Variants in ACADSB observed in about 807,000 individuals in gnomAD.
ACADSB encodes the protein short/branched chain specific acyl-CoA dehydrogenase, mitochondrial.
A neutral mutation model predicts 54.1 loss-of-function variants in ACADSB; 40 were observed. That is an observed-to-expected ratio of 0.74 (90% CI 0.57 to 0.96). ACADSB has a LOEUF of 0.96. Among genes scored for constraint, ACADSB ranks in the 40% least tolerant of loss-of-function variants. The pLI, the probability that ACADSB is intolerant of heterozygous loss-of-function variation, is 0.00. For synonymous variants in ACADSB, 182 were observed against 182.8 expected, an observed-to-expected ratio of 1.00 and a Z score of 0.03; for missense variants, 530 against 510.4, an observed-to-expected ratio of 1.04 and a Z score of -0.37.
At chr10:123,049,712 G>A (rs559534447) in intron 8 of ACADSB, among the ~76,000 whole-genome samples, 16 of 152,278 alleles carry the variant, frequency 1.1e-4, no homozygotes, top group Admixed American at 5.2e-4. Flanking sequence ...TTCTTTCTAC[G>A]TGAGAAAATA....
At chr10:123,046,874 C>G (rs1850567138) in intron 7 of ACADSB, among the ~76,000 whole-genome samples, 1 of 152,134 alleles carries the variant, frequency 6.6e-6, no homozygotes, top group Admixed American at 6.5e-5. Context: ...TCATTTTATA[C>G]CTGGAGAATC....
chr10:123,034,483 T>C lies in ACADSB; in HGVS notation c.170T>C (p.Phe57Ser). 1 of 1,611,580 alleles carries C rather than the reference T, an allele frequency of 6.2e-7. No individual in the cohort carries two copies. The highest frequency in any genetic ancestry group is 8.5e-7 in the Non-Finnish European group (1 of 1,179,926). Residue 57 changes from phenylalanine to serine, a missense_variant, in exon 2 of 11, where the codon TTT (phenylalanine) becomes TCT (serine). Coordinates refer to ENST00000358776, the MANE Select transcript of ACADSB (RefSeq NM_001609.4). The part of the protein sequence containing the change: ...NGIHFAPLQT[F>S]TDEEMMIKSS... The stretch of plus-strand genomic sequence containing the variant: ...ATACACTTTGCTCCCCTGCAAACAT[T>C]TACAGATGAGGAAATGATGATAAAG...
Position 123,051,059 on chromosome 10 carries a change from A to G in ACADSB, c.1001A>G (p.His334Arg), listed in dbSNP as rs1049896649. Residue 334 changes from histidine (H) to arginine (R), a missense_variant, in exon 9 of 11, where the codon CAC (histidine) becomes CGC (arginine). Coordinates refer to ENST00000358776, the MANE Select transcript of ACADSB (RefSeq NM_001609.4). Reference protein sequence around the residue: ...KRLFDFQGLQHQVAHVATQLE... With the variant: ...KRLFDFQGLQRQVAHVATQLE... The stretch of plus-strand genomic sequence containing the variant: ...GCCTGACTGTTACAGGGCCTCCAAC[A>G]CCAAGTGGCTCACGTGGCCACCCAG... 1 of 1,612,244 alleles carries G rather than the reference A, an allele frequency of 6.2e-7. No individual in the cohort carries two copies. Among genetic ancestry groups the G allele is most frequent in the Non-Finnish European group, 8.5e-7 (1 of 1,179,860 alleles).
At position 123,018,813 on chromosome 10, in the gene ACADSB, C is replaced by T. The variant is rs113264501; in HGVS notation, c.42+9742C>T. Among the ~76,000 whole-genome samples, 4 of 152,248 alleles carry T rather than the reference C, an allele frequency of 2.6e-5. No individual in the cohort carries two copies. The East Asian group carries it at 5.8e-4, about 22-fold the overall frequency. ...ACTGCCCTTTATAAAACGATCAGAT[C>T]TTGTGAGACTTATTCACTATCACGA... On this transcript the variant is annotated intron_variant, in intron 1 of 10. Transcript: ENST00000358776.
intron 3 of ACADSB, 50 bp downstream of exon 3, chr10:123,037,897 G>T (rs1850420945): frequency 7.6e-7 from 1 of 1,307,948 alleles, no homozygotes; most frequent in South Asian, 1.2e-5. Flanking sequence ...TAAATTCAGG[G>T]ACTGTAATGA....
At chr10:123,030,351 C>A (rs887289420) in intron 1 of ACADSB, among the ~76,000 whole-genome samples, 2 of 151,940 alleles carry the variant, frequency 1.3e-5, no homozygotes, top group Non-Finnish European at 2.9e-5. Flanking sequence ...CACAGTGAAA[C>A]CCCATCTCTA....
chr10:123,044,319 G>A, intron 6 of ACADSB, 74 bp from the exon 7 acceptor site: 1 of 1,299,882 alleles, frequency 7.7e-7, no homozygotes, highest in Non-Finnish European at 1.1e-6. Flanking sequence ...GAGTCTATGT[G>A]TACTTACAAA....
chr10:123,045,170 TA>T (rs1161760936), intron 7 of ACADSB, among the ~76,000 whole-genome samples: 18 of 10,254 alleles, frequency 1.8e-3, no homozygotes, highest in Admixed American at 9.0e-3. Context: ...TATATATATA[TA>T]TTTTTTTTTT....
chr10:123,055,468 A>G lies in ACADSB; in HGVS notation c.*1703A>G, dbSNP rs927120596. 8.5e-5 allele frequency: 13 copies of G among 152,422 alleles called. No homozygotes were observed. Among genetic ancestry groups the G allele is most frequent in the African/African-American group, 3.1e-4 (13 of 41,436 alleles). The allele number at this position is 152,422 out of a possible 1,614,324, so 9.4% of individuals were successfully genotyped here. On this transcript the variant is annotated 3_prime_UTR_variant, in exon 11 of 11. Transcript: ENST00000358776. ...TAAGTTGAGATTTCAGTGGGGACAC[A>G]GCCAAACCATATCATTCTACCCCTG...
chr10:123,037,474 G>A lies in ACADSB; in HGVS notation c.203-273G>A, dbSNP rs4980175. 0.19 allele frequency among the ~76,000 whole-genome samples: 28,593 copies of A among 152,008 alleles called. 2,846 individuals carry two copies. Among genetic ancestry groups the A allele is most frequent in the African/African-American group, 0.22 (9,048 of 41,412 alleles). ...GTCACCTTTGGGTAGAGTGGAAATGGCTTTCATTTTTCATTTTGTGCTTTC... is the reference window on the plus strand; with the variant it reads ...GTCACCTTTGGGTAGAGTGGAAATGACTTTCATTTTTCATTTTGTGCTTTC... On this transcript the variant is annotated intron_variant, in intron 2 of 10. Coordinates refer to ENST00000358776, the MANE Select transcript of ACADSB (RefSeq NM_001609.4).
chr10:123,040,374 T>C, intron 3 of ACADSB, 92 bp from the exon 4 acceptor site: 2 of 1,075,058 alleles, frequency 1.9e-6, no homozygotes, highest in Non-Finnish European at 1.4e-6. Flanking sequence ...ATAATAAATA[T>C]GGTTACAGTT....
chr10:123,039,093 G>C (rs534003893), intron 3 of ACADSB, among the ~76,000 whole-genome samples: 1 of 152,270 alleles, frequency 6.6e-6, no homozygotes, highest in African/African-American at 2.4e-5. Flanking sequence ...TGGGTTTTTG[G>C]CATAATGGCT....
intron 1 of ACADSB, 123 bp from the exon 2 acceptor site, chr10:123,034,232 TA>T: frequency 1.0e-6 from 1 of 1,001,802 alleles, no homozygotes; most frequent in Non-Finnish European, 1.5e-6. Flanking sequence ...AGACTGAATT[TA>T]AAAATGCGCT....
chr10:123,038,195 G>T (rs1268894853), intron 3 of ACADSB, among the ~76,000 whole-genome samples: 1 of 152,150 alleles, frequency 6.6e-6, no homozygotes, highest in Non-Finnish European at 1.5e-5. Flanking sequence ...GGCATCTAGT[G>T]GGATAGAGAC....
chr10:123,032,650 T>C (rs1214398255), intron 1 of ACADSB, among the ~76,000 whole-genome samples: 3 of 148,884 alleles, frequency 2.0e-5, no homozygotes, highest in East Asian at 2.0e-4. Context: ...AGTGCAGTCA[T>C]GTAATCTAGG....
In ACADSB at chr10:123,051,065, T is replaced by C; in HGVS notation, c.1007T>C (p.Val336Ala). The change falls in exon 9 of 11, where the codon GTG becomes GCG. Residue 336 changes from valine (V) to alanine (A), a missense_variant. Coordinates refer to ENST00000358776, the MANE Select transcript of ACADSB (RefSeq NM_001609.4). Reference sequence around the variant, plus strand: ...CTGTTACAGGGCCTCCAACACCAAGTGGCTCACGTGGCCACCCAGCTGGAA... The same window carrying C: ...CTGTTACAGGGCCTCCAACACCAAGCGGCTCACGTGGCCACCCAGCTGGAA... ...LFDFQGLQHQVAHVATQLEAA... is the reference protein window; with the variant it reads ...LFDFQGLQHQAAHVATQLEAA... 9.3e-6 allele frequency: 15 copies of C among 1,612,238 alleles called. No individual in the cohort carries two copies. Among genetic ancestry groups the C allele is most frequent in the African/African-American group, 1.3e-5 (1 of 74,968 alleles).
rs755014798 is a variant in ACADSB, at chr10:123,041,350, C to CT, written c.653dup (p.Val219GlyfsTer12). On this transcript the variant is annotated frameshift_variant, in exon 5 of 11. Coordinates refer to ENST00000358776, the MANE Select transcript of ACADSB (RefSeq NM_001609.4). LOFTEE classifies it high-confidence loss of function. The stretch of plus-strand genomic sequence containing the variant: ...CAGTGCTGAGCACGCAGGGCTCTTT[C>CT]TGGTGATGGCAAATGTAGACCCTAC... 3 of 1,614,182 alleles carry CT rather than the reference C, an allele frequency of 1.9e-6. No homozygotes were observed. Among genetic ancestry groups the CT allele is most frequent in the East Asian group, 4.5e-5 (2 of 44,880 alleles).
rs1388904259 is a variant in ACADSB at position 123,034,394 on chromosome 10, G to A, written c.81G>A (p.Lys27=). 6.2e-7 allele frequency: 1 copy of A among 1,613,858 alleles called. No individual in the cohort carries two copies. Among genetic ancestry groups the A allele is most frequent in the African/African-American group, 1.3e-5 (1 of 75,064 alleles). ...RNFLTCLSSW[K]IPPHVSKSSQ... ...TCCTGACTTGTTTGTCTTCTTGGAA[G>A]ATTCCTCCTCATGTCTCAAAATCTT... The change falls in exon 2 of 11, where the codon AAG becomes AAA. Residue 27 remains lysine (K), a synonymous_variant. Coordinates refer to ENST00000358776, the MANE Select transcript of ACADSB (RefSeq NM_001609.4).
Position 123,051,030 on chromosome 10 carries a change from T to C in ACADSB, c.991-19T>C. Reference sequence around the variant, plus strand: ...TTTTTTGAAATCATAATTCTCTAACTTGGGCCTGACTGTTACAGGGCCTCC... The same window carrying C: ...TTTTTTGAAATCATAATTCTCTAACCTGGGCCTGACTGTTACAGGGCCTCC... On this transcript the variant is annotated intron_variant, in intron 8 of 10. Transcript: ENST00000358776. The C allele has an allele frequency of 1.2e-6, 2 of 1,610,674 alleles. No individual in the cohort carries two copies. Among genetic ancestry groups the C allele is most frequent in the Non-Finnish European group, 1.7e-6 (2 of 1,179,096 alleles).
Sources: gnomAD v4.1 joint callset for allele counts (sites outside exome capture counted in the v4.1 genomes callset) on GRCh38, gnomAD v4.1.1 for gene constraint, MANE v1.5 for transcripts, NCBI Gene and HGNC (gene_info 2026-07-23, HGNC 2026-07-21) for gene names.